Variants in CTXND1 observed in about 807,000 individuals in gnomAD.
The protein encoded by CTXND1 is cortexin domain-containing 1 protein.
intron 1 of CTXND1, among the ~76,000 whole-genome samples, chr15:80,204,203 CAA>C (rs1893122123): frequency 5.9e-5 from 2 of 33,914 alleles, no homozygotes; most frequent in African/African-American, 2.7e-4. Context: ...TATATATACA[CAA>C]ACACATACAC....
intron 1 of CTXND1, 21 bp from the exon 2 acceptor site, chr15:80,203,761 G>A (rs1252697758): frequency 6.6e-6 from 1 of 152,170 alleles, no homozygotes; most frequent in Non-Finnish European, 1.5e-5. Flanking sequence ...AAGAGACAAA[G>A]AAGACTAGTT....
intron 1 of CTXND1, among the ~76,000 whole-genome samples, chr15:80,237,290 G>C (rs565758746): frequency 6.7e-6 from 1 of 148,268 alleles, no homozygotes; most frequent in Non-Finnish European, 1.5e-5. Flanking sequence ...AGCCAAGATC[G>C]CGCCACTGCA....
chr15:80,250,968 AT>A (rs1250511962), intron 1 of CTXND1, among the ~76,000 whole-genome samples: 2 of 152,204 alleles, frequency 1.3e-5, no homozygotes, highest in African/African-American at 4.8e-5. Flanking sequence ...TACATATTTT[AT>A]GGAAAAGGGT....
intron 1 of CTXND1, among the ~76,000 whole-genome samples, chr15:80,230,566 T>A (rs964082224): frequency 6.6e-6 from 1 of 152,222 alleles, no homozygotes; most frequent in Non-Finnish European, 1.5e-5. Context: ...TATTTCCTTC[T>A]TTTGATTTTC....
intron 1 of CTXND1, among the ~76,000 whole-genome samples, chr15:80,218,478 T>C (rs1041819531): frequency 2.0e-5 from 3 of 152,158 alleles, no homozygotes; most frequent in African/African-American, 7.2e-5. Flanking sequence ...TTTATTTGTG[T>C]TTTCTCTTGG....
At chr15:80,236,556 G>T (rs186479808) in intron 1 of CTXND1, among the ~76,000 whole-genome samples, 1 of 152,134 alleles carries the variant, frequency 6.6e-6, no homozygotes, top group African/African-American at 2.4e-5. Flanking sequence ...GCTGAGGCGG[G>T]TGGATCACCT....
intron 1 of CTXND1, among the ~76,000 whole-genome samples, chr15:80,208,749 C>T (rs1196813051): frequency 6.6e-6 from 1 of 152,160 alleles, no homozygotes; most frequent in Non-Finnish European, 1.5e-5. Flanking sequence ...TGGATCTAAC[C>T]CATCTCCCTC....
chr15:80,223,195 A>G (rs1489161133), intron 1 of CTXND1, among the ~76,000 whole-genome samples: 1 of 152,158 alleles, frequency 6.6e-6, no homozygotes, highest in African/African-American at 2.4e-5. Flanking sequence ...TCTCCAGATT[A>G]TAGGCATGTG....
At chr15:80,247,582 A>C (rs928100555) in intron 1 of CTXND1, among the ~76,000 whole-genome samples, 1 of 152,142 alleles carries the variant, frequency 6.6e-6, no homozygotes, top group Non-Finnish European at 1.5e-5. Flanking sequence ...CACCCTCCTC[A>C]CACTAACATA....
At chr15:80,235,534 C>T (rs917988405) in intron 1 of CTXND1, among the ~76,000 whole-genome samples, 3 of 152,156 alleles carry the variant, frequency 2.0e-5, no homozygotes, top group Non-Finnish European at 2.9e-5. Flanking sequence ...AGTGGCATAA[C>T]GCGACTGTGG....
At chr15:80,214,599 C>A (rs1389841273) in intron 1 of CTXND1, among the ~76,000 whole-genome samples, 5 of 152,084 alleles carry the variant, frequency 3.3e-5, no homozygotes, top group African/African-American at 1.2e-4. Context: ...AATAAGAATA[C>A]TTCCTATTAA....
intron 1 of CTXND1, among the ~76,000 whole-genome samples, chr15:80,230,886 C>G (rs1893420709): frequency 1.3e-5 from 2 of 151,952 alleles, no homozygotes. Flanking sequence ...GTTGAAACCC[C>G]ATCTCTACTA....
chr15:80,217,734 T>G (rs1432384667), intron 1 of CTXND1, among the ~76,000 whole-genome samples: 1 of 151,586 alleles, frequency 6.6e-6, no homozygotes, highest in Non-Finnish European at 1.5e-5. Context: ...TTTTATAGAG[T>G]CAAGGTTTCA....
In CTXND1 at chr15:80,197,750, C is replaced by T. The variant is rs916510115; in HGVS notation, c.*4020G>A. 6.6e-6 allele frequency: 1 copy of T among 152,242 alleles called. No individual in the cohort carries two copies. The highest frequency in any genetic ancestry group is 6.5e-5 in the Admixed American group (1 of 15,280). 9.4% of individuals were successfully genotyped at this position (152,242 alleles called of 1,614,324 possible). ...CATGCCTGGCAGAACCAGTCCTCAA[C>T]AGCAAGACCTAGGGGGTATGAAACC... On this transcript the variant is annotated 3_prime_UTR_variant, in exon 3 of 3. Transcript: ENST00000560778.
chr15:80,228,636 C>CTTTTTTTTTTTTTTTTTTT (rs58443773), intron 1 of CTXND1, among the ~76,000 whole-genome samples: 1 of 139,916 alleles, frequency 7.1e-6, no homozygotes, highest in African/African-American at 2.7e-5. Flanking sequence ...AAATCTGAAA[C>CTTTTTTTTTTTTTTTTTTT]TTTTTTTTTT....
At chr15:80,249,127 T>A (rs1893666306) in intron 1 of CTXND1, among the ~76,000 whole-genome samples, 1 of 152,086 alleles carries the variant, frequency 6.6e-6, no homozygotes, top group South Asian at 2.1e-4. Flanking sequence ...ATTTTTAAAA[T>A]TTTTTTGTGG....
Position 80,198,650 on chromosome 15 carries a change from C to T in CTXND1, c.*3120G>A, listed in dbSNP as rs2142118556. 1 of 152,290 alleles carries T rather than the reference C, an allele frequency of 6.6e-6. No homozygotes were observed. The highest frequency in any genetic ancestry group is 6.5e-5 in the Admixed American group (1 of 15,294). The allele number at this position is 152,290 out of a possible 1,614,324, so 9.4% of individuals were successfully genotyped here. A position where few individuals can be genotyped will look rare whatever the true frequency, so the allele number is the denominator to read the frequency against. ...TATGATCCAGTTCTTAGACAGGTCT[C>T]CCTCCCCCATGTGCTCCATGTGTCT... On this transcript the variant is annotated 3_prime_UTR_variant, in exon 3 of 3. Coordinates refer to ENST00000560778, the MANE Select transcript of CTXND1 (RefSeq NM_001352888.2).
chr15:80,218,935 A>AT (rs34740302), intron 1 of CTXND1, among the ~76,000 whole-genome samples: 89,062 of 144,112 alleles, frequency 0.62, 27,578 homozygotes, highest in East Asian at 0.86. Context: ...ATTTTCTGTG[A>AT]TTTTTTTTTT....
At chr15:80,246,733 C>T (rs970366583) in intron 1 of CTXND1, among the ~76,000 whole-genome samples, 2 of 152,216 alleles carry the variant, frequency 1.3e-5, no homozygotes, top group East Asian at 1.9e-4. Context: ...TAATGTTTAT[C>T]GTGCCTAATA....
Sources: allele counts gnomAD v4.1 joint callset (sites outside exome capture counted in the v4.1 genomes callset), GRCh38; gene constraint gnomAD v4.1.1; transcripts MANE v1.5; gene names NCBI Gene and HGNC (gene_info 2026-07-23, HGNC 2026-07-21).